The following NREP variants were observed in gnomAD, a reference collection of about 807,000 sequenced individuals.
NREP encodes neuronal regeneration related protein, also known as neuronal regeneration-related protein.
In NREP, 5 loss-of-function variants were observed where a neutral mutation model predicts 8.6. The ratio of observed to expected loss-of-function variants is 0.58; its 90% CI spans 0.30 to 1.22. The LOEUF is 1.22. Among genes scored for constraint, NREP ranks in the 50% most tolerant of loss-of-function variants. The pLI is 0.07. For missense variants in NREP, 86 were observed against 82.5 expected (o/e 1.04, Z -0.17); for synonymous variants, 27 against 28.0 (o/e 0.96, Z 0.11).
At chr5:111,734,860 A>T in intron 3 of NREP, 1 of 463,808 alleles carries the variant, frequency 2.2e-6, no homozygotes, top group South Asian at 4.5e-5. Context: ...AGTAGTTGTT[A>T]TTGTTTGTTT....
chr5:111,881,193 G>C (rs1414710165), intron 2 of NREP, among the ~76,000 whole-genome samples: 1 of 152,224 alleles, frequency 6.6e-6, no homozygotes, highest in Non-Finnish European at 1.5e-5. Flanking sequence ...CTGGCTCAGA[G>C]GGTCCTACAC....
chr5:111,762,354 A>G (rs146623935), upstream of NREP, among the ~76,000 whole-genome samples: 481 of 152,236 alleles, frequency 3.2e-3, 4 homozygotes, highest in African/African-American at 0.011. Context: ...ACACATATTC[A>G]ATGATGTTCC....
intron 2 of NREP, among the ~76,000 whole-genome samples, chr5:111,952,700 G>A (rs761849507): frequency 1.3e-5 from 2 of 152,028 alleles, no homozygotes; most frequent in Non-Finnish European, 2.9e-5. Context: ...GAAATTTAAG[G>A]CATGGGGAAC....
chr5:111,870,116 T>A (rs2112494735), intron 2 of NREP, among the ~76,000 whole-genome samples: 1 of 152,306 alleles, frequency 6.6e-6, no homozygotes, highest in East Asian at 1.9e-4. Flanking sequence ...CAACTAAGGC[T>A]TTTTAGCATG....
chr5:111,829,676 C>G (rs1752715547), intron 2 of NREP, among the ~76,000 whole-genome samples: 2 of 152,294 alleles, frequency 1.3e-5, no homozygotes, highest in South Asian at 4.1e-4. Flanking sequence ...TACCTGGTAT[C>G]TGACTCTCAG....
upstream of NREP, among the ~76,000 whole-genome samples, chr5:111,761,043 G>A (rs999182219): frequency 6.6e-6 from 1 of 152,166 alleles, no homozygotes; most frequent in African/African-American, 2.4e-5. Flanking sequence ...TAGAAAAGTG[G>A]TTAGAGCCAG....
intron 2 of NREP, among the ~76,000 whole-genome samples, chr5:111,870,950 T>C (rs1484546883): frequency 6.6e-6 from 1 of 152,064 alleles, no homozygotes; most frequent in Non-Finnish European, 1.5e-5. Flanking sequence ...AAAAGTACTT[T>C]GAAACTAACA....
intron 2 of NREP, among the ~76,000 whole-genome samples, chr5:111,965,707 A>G (rs1010231259): frequency 2.0e-5 from 3 of 152,166 alleles, no homozygotes; most frequent in Non-Finnish European, 4.4e-5. Flanking sequence ...AAACCACAAT[A>G]CAGTCATGAT....
Position 111,873,725 on chromosome 5 carries a change from A to G in NREP, c.135+101549T>C, listed in dbSNP as rs542918442. On this transcript the variant is annotated intron_variant, in intron 2 of 3. Transcript: ENST00000395634. Reference sequence around the variant, plus strand: ...AATCCAGGATAATCCCCCCATGTCAAGATTCTTAACCTTAATAACTTCTGC... The same window carrying G: ...AATCCAGGATAATCCCCCCATGTCAGGATTCTTAACCTTAATAACTTCTGC... 2.4e-3 allele frequency among the ~76,000 whole-genome samples: 373 copies of G among 152,292 alleles called. 3 individuals are homozygous for G. The highest frequency in any genetic ancestry group is 8.4e-3 in the African/African-American group (351 of 41,558).
At chr5:111,810,060 G>C (rs1193938408) in intron 2 of NREP, among the ~76,000 whole-genome samples, 1 of 151,980 alleles carries the variant, frequency 6.6e-6, no homozygotes, top group Non-Finnish European at 1.5e-5. Flanking sequence ...GACTAAATGG[G>C]ATATTAGTTA....
chr5:111,912,515 A>G (rs964093107), intron 2 of NREP: 3 of 152,086 alleles, frequency 2.0e-5, no homozygotes, highest in African/African-American at 7.2e-5. Context: ...CAACTTTCCT[A>G]AAGGATATAG....
chr5:111,875,547 C>T (rs976028958), intron 2 of NREP, among the ~76,000 whole-genome samples: 3 of 152,144 alleles, frequency 2.0e-5, no homozygotes, highest in Non-Finnish European at 4.4e-5. Context: ...ATTTCTTAGA[C>T]CACCAGAAGT....
intron 2 of NREP, among the ~76,000 whole-genome samples, chr5:111,793,934 T>C (rs189728974): frequency 5.8e-4 from 88 of 152,192 alleles, no homozygotes; most frequent in African/African-American, 2.0e-3. Context: ...CATATGCCTG[T>C]AGTCCCCCAG....
At chr5:111,919,504 A>G (rs62370290) in intron 2 of NREP, among the ~76,000 whole-genome samples, 1 of 152,188 alleles carries the variant, frequency 6.6e-6, no homozygotes, top group Non-Finnish European at 1.5e-5. Context: ...CTGGATAAAG[A>G]AAATGTGGCA....
chr5:111,887,150 T>C (rs926493968), intron 2 of NREP, among the ~76,000 whole-genome samples: 1 of 152,040 alleles, frequency 6.6e-6, no homozygotes, highest in African/African-American at 2.4e-5. Context: ...TCTCGAGCTC[T>C]TGGGTTCCAG....
intron 2 of NREP, chr5:111,940,095 GAA>G (rs1755790190): frequency 6.6e-6 from 1 of 151,982 alleles, no homozygotes; most frequent in South Asian, 2.1e-4. Context: ...TGCATTCAAA[GAA>G]AAATTACCAC....
At chr5:111,776,267 G>T (rs1751355459) in intron 2 of NREP, among the ~76,000 whole-genome samples, 1 of 152,108 alleles carries the variant, frequency 6.6e-6, no homozygotes, top group South Asian at 2.1e-4. Context: ...AGCATATTTT[G>T]TTCCAAGCAA....
At chr5:111,936,583 A>G (rs1263703091) in intron 2 of NREP, among the ~76,000 whole-genome samples, 1 of 151,990 alleles carries the variant, frequency 6.6e-6, no homozygotes, top group Non-Finnish European at 1.5e-5. Context: ...CAACAATCCT[A>G]TTTCCAGATA....
Position 111,773,238 on chromosome 5 carries a change from G to T in NREP, c.136-37731C>A, listed in dbSNP as rs1198624704. Among the ~76,000 whole-genome samples the T allele has an allele frequency of 2.0e-5, 3 of 152,058 alleles. No individual in the cohort carries two copies. The East Asian group carries it at 5.8e-4, about 29-fold the overall frequency. The stretch of plus-strand genomic sequence containing the variant: ...GAGAGAAGAAAAGGAACTATTATCT[G>T]CTCAGCAGTAAACTATGTTCTGGGA... On this transcript the variant is annotated intron_variant, in intron 2 of 3. Transcript: ENST00000395634.
Sources: allele counts gnomAD v4.1 joint callset (sites outside exome capture counted in the v4.1 genomes callset), GRCh38; gene constraint gnomAD v4.1.1; transcripts MANE v1.5; gene names NCBI Gene and HGNC (gene_info 2026-07-23, HGNC 2026-07-21).